The following UNC13B variants were observed in gnomAD, a reference collection of about 807,000 sequenced individuals.
The protein encoded by UNC13B is unc-13 homolog B.
Under a neutral mutation model 211.0 loss-of-function variants are expected in UNC13B, and 144 were observed. The ratio of observed to expected loss-of-function variants is 0.68; its 90% CI spans 0.60 to 0.78. The LOEUF is 0.78. Among genes scored for constraint, UNC13B ranks in the 30% least tolerant of loss-of-function variants. The pLI, the probability that UNC13B is intolerant of heterozygous loss-of-function variation, is 0.00. For synonymous variants in UNC13B, 709 were observed against 725.8 expected (o/e 0.98, Z 0.37); for missense variants, 1,777 against 2,002.0 (o/e 0.89, Z 2.14).
At chr9:35,172,340 G>T (rs1329986642) in intron 1 of UNC13B, among the ~76,000 whole-genome samples, 1 of 151,982 alleles carries the variant, frequency 6.6e-6, no homozygotes, top group African/African-American at 2.4e-5. Context: ...ATTCTCTTCT[G>T]GCTATTTGGA....
intron 1 of UNC13B, among the ~76,000 whole-genome samples, chr9:35,212,039 A>C (rs1823996994): frequency 6.6e-6 from 1 of 152,160 alleles, no homozygotes; most frequent in African/African-American, 2.4e-5. Flanking sequence ...ATAAATTAAG[A>C]GCTTTGAGTG....
chr9:35,176,751 T>C (rs1336992624), intron 1 of UNC13B, among the ~76,000 whole-genome samples: 4 of 152,138 alleles, frequency 2.6e-5, no homozygotes, highest in Non-Finnish European at 5.9e-5. Context: ...AACTGATTTG[T>C]GCTATAAACG....
chr9:35,283,220 C>T (rs1465254934), intron 7 of UNC13B, among the ~76,000 whole-genome samples: 1 of 152,074 alleles, frequency 6.6e-6, no homozygotes, highest in African/African-American at 2.4e-5. Flanking sequence ...TTCTTTAGGC[C>T]ATACATTTCA....
At chr9:35,345,480 A>G (rs1213125584) in intron 11 of UNC13B, among the ~76,000 whole-genome samples, 2 of 152,204 alleles carry the variant, frequency 1.3e-5, no homozygotes, top group African/African-American at 4.8e-5. Flanking sequence ...TCAGATACCA[A>G]GCATAGACAG....
At chr9:35,194,854 G>A (rs1327789328) in intron 1 of UNC13B, among the ~76,000 whole-genome samples, 1 of 152,156 alleles carries the variant, frequency 6.6e-6, no homozygotes, top group Non-Finnish European at 1.5e-5. Context: ...AGGAGTTTAG[G>A]AATGGAGGTT....
intron 7 of UNC13B, among the ~76,000 whole-genome samples, chr9:35,263,487 A>G (rs1827397100): frequency 6.6e-6 from 1 of 152,092 alleles, no homozygotes; most frequent in African/African-American, 2.4e-5. Context: ...GGCCCTCTGT[A>G]TATGCAGGTT....
At chr9:35,392,825 A>T (rs1036410087) in intron 26 of UNC13B, among the ~76,000 whole-genome samples, 1 of 152,112 alleles carries the variant, frequency 6.6e-6, no homozygotes, top group Admixed American at 6.6e-5. Context: ...AAAGGGTGAA[A>T]CATTAAAAAA....
chr9:35,268,488 G>C (rs1049356364), intron 7 of UNC13B, among the ~76,000 whole-genome samples: 1 of 152,008 alleles, frequency 6.6e-6, no homozygotes, highest in East Asian at 1.9e-4. Context: ...GTGTGGTGGC[G>C]GGCACCTGTA....
intron 21 of UNC13B, 148 bp from the exon 22 acceptor site, chr9:35,384,098 T>C: frequency 2.3e-6 from 3 of 1,278,288 alleles, no homozygotes; most frequent in East Asian, 4.7e-5. Flanking sequence ...CACTGTTTGT[T>C]GTTCTTCCCA....
At position 35,295,763 on chromosome 9, in the gene UNC13B, C is replaced by T. The variant is rs748877921; in HGVS notation, c.594C>T (p.Ser198=). 10 of 1,614,022 alleles carry T rather than the reference C, an allele frequency of 6.2e-6. No individual in the cohort carries two copies. The South Asian group carries it at 9.9e-5, about 16-fold the overall frequency. Residue 198 remains serine, a synonymous_variant, in exon 8 of 40, where the codon AGC becomes AGT. Transcript: ENST00000635942. ...DSDYRSETSN[S]FPPPYHTASQ... Reference sequence around the variant, plus strand: ...ACTATCGCAGTGAGACCAGCAACAGCTTCCCACCTCCTTACCATACAGCTT... The same window carrying T: ...ACTATCGCAGTGAGACCAGCAACAGTTTCCCACCTCCTTACCATACAGCTT...
At chr9:35,347,179 C>T (rs1196292930) in intron 11 of UNC13B, among the ~76,000 whole-genome samples, 1 of 152,170 alleles carries the variant, frequency 6.6e-6, no homozygotes, top group Non-Finnish European at 1.5e-5. Context: ...TGATTACAGG[C>T]GTGAGCCCAG....
rs115511191 is a variant in UNC13B, at chr9:35,336,893, G to A, written c.9414+22904G>A. On this transcript the variant is annotated intron_variant, in intron 11 of 39. Transcript: ENST00000635942. ...ATCTTCTGACAAAGCACTTGAAAAG[G>A]TTCCTACCTTCTCACCATCCTGATG... Among the ~76,000 whole-genome samples, 628 of 152,262 alleles carry A rather than the reference G, an allele frequency of 4.1e-3. 6 individuals are homozygous for A. Among genetic ancestry groups the A allele is most frequent in the East Asian group, 0.039 (204 of 5,188 alleles).
chr9:35,297,547 C>CTTTTTTTTTTT (rs774525517), intron 8 of UNC13B, among the ~76,000 whole-genome samples: 16 of 100,854 alleles, frequency 1.6e-4, no homozygotes, highest in African/African-American at 5.3e-4. Flanking sequence ...CATACTTTGT[C>CTTTTTTTTTTT]TTTTTTTTTT....
chr9:35,301,686 C>T lies in UNC13B; in HGVS notation c.2282C>T (p.Ser761Phe), dbSNP rs1265440966. Residue 761 changes from serine (S) to phenylalanine (F), a missense_variant, in exon 9 of 40, where the codon TCT becomes TTT. By Grantham distance (155) the Ser-to-Phe change is radical. Coordinates refer to ENST00000635942, the MANE Select transcript of UNC13B (RefSeq NM_001371189.2). ...LLEEKLCIDLSLLPDQQKICA... is the reference protein window; with the variant it reads ...LLEEKLCIDLFLLPDQQKICA... Reference sequence around the variant, plus strand: ...GAAGAAAAACTCTGTATAGATCTGTCTCTTTTACCAGATCAACAAAAAATA... The same window carrying T: ...GAAGAAAAACTCTGTATAGATCTGTTTCTTTTACCAGATCAACAAAAAATA... 1 of 398,842 alleles carries T rather than the reference C, an allele frequency of 2.5e-6. No individual in the cohort carries two copies. The highest frequency in any genetic ancestry group is 4.4e-6 in the Non-Finnish European group (1 of 225,916). The allele number at this position is 398,842 out of a possible 1,614,324, so 24.7% of individuals were successfully genotyped here. A position where few individuals can be genotyped will look rare whatever the true frequency, so the allele number is the denominator to read the frequency against.
At chr9:35,389,129 T>C (rs1835364892) in intron 24 of UNC13B, among the ~76,000 whole-genome samples, 1 of 152,168 alleles carries the variant, frequency 6.6e-6, no homozygotes, top group Non-Finnish European at 1.5e-5. Flanking sequence ...TAGTGGGAGA[T>C]AATGTGTGTT....
chr9:35,180,522 A>C (rs1821877861), intron 1 of UNC13B, among the ~76,000 whole-genome samples: 1 of 152,096 alleles, frequency 6.6e-6, no homozygotes, highest in Non-Finnish European at 1.5e-5. Flanking sequence ...AAATTGGAGC[A>C]TTAGCTATTT....
intron 11 of UNC13B, among the ~76,000 whole-genome samples, chr9:35,335,067 T>C (rs963500660): frequency 2.0e-5 from 3 of 151,952 alleles, no homozygotes; most frequent in Non-Finnish European, 4.4e-5. Context: ...AAAAATTAAG[T>C]GGTATTACAC....
At chr9:35,368,572 C>T (rs537453644) in intron 12 of UNC13B, among the ~76,000 whole-genome samples, 2 of 152,258 alleles carry the variant, frequency 1.3e-5, no homozygotes, top group East Asian at 1.9e-4. Flanking sequence ...TGGGTATATA[C>T]CCAATAATGG....
chr9:35,387,160 G>A (rs1334823858), intron 24 of UNC13B, among the ~76,000 whole-genome samples: 1 of 152,128 alleles, frequency 6.6e-6, no homozygotes, highest in East Asian at 1.9e-4. Context: ...TAAGATTAAA[G>A]GAATTCCAAG....
Sources: gnomAD v4.1 joint callset for allele counts (sites outside exome capture counted in the v4.1 genomes callset) on GRCh38, gnomAD v4.1.1 for gene constraint, MANE v1.5 for transcripts, NCBI Gene and HGNC (gene_info 2026-07-23, HGNC 2026-07-21) for gene names.